PFKP: variants seen among roughly 807,000 people sequenced by gnomAD.
The protein encoded by PFKP is ATP-dependent 6-phosphofructokinase, platelet type.
A neutral mutation model predicts 94.3 loss-of-function variants in PFKP; 101 were observed. That is an observed-to-expected ratio of 1.07 (90% confidence interval 0.91 to 1.26). The LOEUF (loss-of-function observed/expected upper bound fraction) is 1.26. PFKP is among the 50% of genes most tolerant of loss of function. The pLI is 0.00. For missense variants in PFKP, 1,145 were observed against 1,103.3 expected, an observed-to-expected ratio of 1.04 and a Z score of -0.53; for synonymous variants, 573 against 432.6, an observed-to-expected ratio of 1.32 and a Z score of -4.03.
At chr10:3,133,971 CCTGGAATGAG>C (rs1323532322) in intron 19 of PFKP, among the ~76,000 whole-genome samples, 2 of 152,196 alleles carry the variant, frequency 1.3e-5, no homozygotes, top group Admixed American at 6.5e-5. Flanking sequence ...GTCAGAATGA[CCTGGAATGAG>C]CTGCACACAG....
At chr10:3,131,441 TTA>T (rs1320916268) in intron 17 of PFKP, among the ~76,000 whole-genome samples, 1 of 152,112 alleles carries the variant, frequency 6.6e-6, no homozygotes, top group African/African-American at 2.4e-5. Context: ...TTAAGAGAAA[TTA>T]TGACAGATTT....
At chr10:3,107,836 C>T in intron 8 of PFKP, 1 of 1,268,640 alleles carries the variant, frequency 7.9e-7, no homozygotes, top group Non-Finnish European at 1.0e-6. Context: ...TTGCTCAGGC[C>T]AGTGCCTGCC....
At chr10:3,127,132 A>G (rs779809946) in intron 16 of PFKP, among the ~76,000 whole-genome samples, 1 of 152,244 alleles carries the variant, frequency 6.6e-6, no homozygotes, top group Admixed American at 6.5e-5. Flanking sequence ...TGCTATTTTT[A>G]GAAGCTAATT....
chr10:3,129,725 G>A, intron 16 of PFKP, 94 bp from the exon 17 acceptor site: 1 of 1,348,378 alleles, frequency 7.4e-7, no homozygotes, highest in Non-Finnish European at 1.0e-6. Flanking sequence ...GGCGCGGTGG[G>A]GGGGCCTTGC....
intron 3 of PFKP, chr10:3,101,039 G>A (rs771049717): frequency 2.0e-6 from 3 of 1,524,024 alleles, no homozygotes; most frequent in South Asian, 1.1e-5. Flanking sequence ...GCACCTGGTT[G>A]AGCTCGTTGG....
intron 15 of PFKP, 128 bp from the exon 16 acceptor site, chr10:3,119,764 G>GGGCGT: frequency 4.6e-6 from 3 of 657,900 alleles, no homozygotes; most frequent in Non-Finnish European, 7.7e-6. Flanking sequence ...TGATCTCGGA[G>GGGCGT]TGTTTTCGTG....
chr10:3,100,862 C>CAAAATAAAAAATAA (rs754923021), intron 3 of PFKP: 3 of 657,274 alleles, frequency 4.6e-6, no homozygotes, highest in Admixed American at 2.7e-5. Context: ...GTATGTGGTG[C>CAAAATAAAAAATAA]AAAAAAAAAA....
At chr10:3,134,654 A>T in intron 20 of PFKP, 72 bp downstream of exon 20, 1 of 957,128 alleles carries the variant, frequency 1.0e-6, no homozygotes, top group Non-Finnish European at 1.7e-6. Flanking sequence ...ATGCTGTCCT[A>T]TCGGGGAGAA....
In PFKP at chr10:3,096,947, G is replaced by A. The variant is rs112077777; in HGVS notation, c.187-2328G>A. ...CAAAAAATTAGCCGGGCGTGGTGGC[G>A]GGTGCCTGTAGTCCCAGCTACTAAG... On this transcript the variant is annotated intron_variant, in intron 2 of 21. Transcript: ENST00000381125. 7.1e-3 allele frequency among the ~76,000 whole-genome samples: 850 copies of A among 120,226 alleles called. 138 individuals are homozygous for A. The highest frequency in any genetic ancestry group is 0.027 in the African/African-American group (816 of 30,660). The allele number at this position is 120,226 out of a possible 152,430, so 78.9% of individuals were successfully genotyped here.
rs564003120 is a variant in PFKP, at chr10:3,080,105, C to A, written c.113-2283C>A. ...TGCTACCAAGGTTCAGGAACAGGAG[C>A]CTCCGAGTGCTGCCAGACAGGTGGG... On this transcript the variant is annotated intron_variant, in intron 1 of 21. Transcript: ENST00000381125. 6.3e-4 allele frequency among the ~76,000 whole-genome samples: 95 copies of A among 151,494 alleles called. No individual in the cohort carries two copies. The South Asian group carries it at 0.019, about 30-fold the overall frequency.
intron 21 of PFKP, among the ~76,000 whole-genome samples, chr10:3,136,242 C>G: frequency 6.6e-6 from 1 of 152,206 alleles, no homozygotes; most frequent in Admixed American, 6.5e-5. Context: ...TCAAGCCTGG[C>G]GACAGAGCGA....
chr10:3,125,353 C>A, intron 16 of PFKP: 1 of 884,996 alleles, frequency 1.1e-6, no homozygotes, highest in Non-Finnish European at 1.5e-6. Context: ...TCTTTTCTCC[C>A]CTTTGTTAGC....
At position 3,121,807 on chromosome 10, in the gene PFKP, T is replaced by TC. The variant is rs1564339162; in HGVS notation, c.1683+1763_1683+1764insC. 6.8e-3 allele frequency among the ~76,000 whole-genome samples: 201 copies of TC among 29,652 alleles called. 3 individuals are homozygous for TC. Among genetic ancestry groups the TC allele is most frequent in the Middle Eastern group, 9.1e-3 (1 of 110 alleles). 19.5% of individuals were successfully genotyped at this position (29,652 alleles called of 152,430 possible). A position where few individuals can be genotyped will look rare whatever the true frequency, so the allele number is the denominator to read the frequency against. On this transcript the variant is annotated intron_variant, in intron 16 of 21. Transcript: ENST00000381125. ...TTAAACAATTTCTTTTTTTTTCTTT[T>TC]TTTTTTTTTTTTTTTTTTTTTTTCT...
intron 4 of PFKP, among the ~76,000 whole-genome samples, chr10:3,102,168 G>GTT (rs1835070489): frequency 6.9e-6 from 1 of 143,966 alleles, no homozygotes; most frequent in Non-Finnish European, 1.5e-5. Context: ...GGAGAATGGC[G>GTT]TGAACCCGGG....
chr10:3,113,503 C>A lies in PFKP; in HGVS notation c.1356C>A (p.Gly452=). ...RMLAIYDGFD[G]FAKGQIKEIG... is the part of the protein sequence containing the mutation. ...TCGCCATCTATGATGGCTTTGACGG[C>A]TTCGCCAAGGGCCAGGTGAGTCACC... The change falls in exon 13 of 22, where the codon GGC becomes GGA. Residue 452 remains glycine (G), a synonymous_variant. Coordinates refer to ENST00000381125, the MANE Select transcript of PFKP (RefSeq NM_002627.5). 1 of 1,612,968 alleles carries A rather than the reference C, an allele frequency of 6.2e-7. No individual in the cohort carries two copies. Among genetic ancestry groups the A allele is most frequent in the Non-Finnish European group, 8.5e-7 (1 of 1,179,942 alleles).
chr10:3,116,646 C>A (rs951375211), intron 13 of PFKP, 130 bp from the exon 14 acceptor site: 3 of 719,484 alleles, frequency 4.2e-6, no homozygotes, highest in African/African-American at 1.7e-5. Context: ...GTGATAAATG[C>A]TGTCTCATAC....
At position 3,108,807 on chromosome 10, in the gene PFKP, G is replaced by T; in HGVS notation, c.963+14G>T. ...GACAGGATCTTGGTGAGTTGGGAAG[G>T]GTTGGGCATCTTCACAAGGTCTCTA... On this transcript the variant is annotated intron_variant, in intron 9 of 21. Coordinates refer to ENST00000381125, the MANE Select transcript of PFKP (RefSeq NM_002627.5). The T allele has an allele frequency of 6.4e-7, 1 of 1,569,586 alleles. No individual in the cohort carries two copies. The highest frequency in any genetic ancestry group is 8.8e-7 in the Non-Finnish European group (1 of 1,139,490).
In PFKP at chr10:3,113,360, T is replaced by C. The variant is rs367725511; in HGVS notation, c.1225-12T>C. The stretch of plus-strand genomic sequence containing the variant: ...CCCGTGACCCAGCACTCACCTGCCT[T>C]CTGTTTTGCAGACCAATTGCAACGT... On this transcript the variant is annotated splice_polypyrimidine_tract_variant and intron_variant, in intron 12 of 21. Coordinates refer to ENST00000381125, the MANE Select transcript of PFKP (RefSeq NM_002627.5). 4 of 1,577,988 alleles carry C rather than the reference T, an allele frequency of 2.5e-6. No homozygotes were observed. The highest frequency in any genetic ancestry group is 3.5e-6 in the Non-Finnish European group (4 of 1,158,124).
chr10:3,099,160 G>A, intron 2 of PFKP, 115 bp from the exon 3 acceptor site: 1 of 805,294 alleles, frequency 1.2e-6, no homozygotes, highest in Non-Finnish European at 2.1e-6. Flanking sequence ...TCTGACCAGT[G>A]GATGCTGAGG....
Sources: allele counts gnomAD v4.1 joint callset (sites outside exome capture counted in the v4.1 genomes callset), GRCh38; gene constraint gnomAD v4.1.1; transcripts MANE v1.5; gene names NCBI Gene and HGNC (gene_info 2026-07-23, HGNC 2026-07-21).